CCDC146: variants seen among roughly 807,000 people sequenced by gnomAD.
The protein encoded by CCDC146 is coiled-coil domain containing 146.
In CCDC146, 92 loss-of-function variants were observed where a neutral mutation model predicts 119.3. The ratio of observed to expected loss-of-function variants is 0.77; its 90% CI spans 0.65 to 0.92. CCDC146 has a LOEUF of 0.92. Ranked by LOEUF, CCDC146 falls within the 40% of genes least tolerant of loss-of-function variation. The pLI, the probability that CCDC146 is intolerant of heterozygous loss-of-function variation, is 0.00. For missense variants in CCDC146, 1,000 were observed against 1,103.0 expected, an observed-to-expected ratio of 0.91 and a Z score of 1.32; for synonymous variants, 372 against 371.8, an observed-to-expected ratio of 1.00 and a Z score of -0.01.
chr7:77,271,638 A>G (rs941735929), intron 9 of CCDC146, among the ~76,000 whole-genome samples: 1 of 148,172 alleles, frequency 6.7e-6, no homozygotes, highest in African/African-American at 2.5e-5. Context: ...TGGCTAGGCA[A>G]CCAGGAGGCT....
At chr7:77,225,284 C>A (rs1299187748) in intron 2 of CCDC146, among the ~76,000 whole-genome samples, 1 of 152,190 alleles carries the variant, frequency 6.6e-6, no homozygotes, top group African/African-American at 2.4e-5. Context: ...TGGTGGCTCA[C>A]ACCTGTAATC....
chr7:77,293,319 A>G, intron 18 of CCDC146, 119 bp downstream of exon 18: 1 of 1,055,842 alleles, frequency 9.5e-7, no homozygotes, highest in Non-Finnish European at 1.4e-6. Context: ...CACAGTCCCA[A>G]CAGTCGTTAG....
chr7:77,221,569 C>G (rs1282672195), intron 2 of CCDC146, among the ~76,000 whole-genome samples: 1 of 152,122 alleles, frequency 6.6e-6, no homozygotes, highest in Non-Finnish European at 1.5e-5. Flanking sequence ...TCATGCTGCA[C>G]CCCCACCCTG....
chr7:77,145,698 G>T (rs1791006928), intron 1 of CCDC146, among the ~76,000 whole-genome samples: 1 of 152,116 alleles, frequency 6.6e-6, no homozygotes, highest in Non-Finnish European at 1.5e-5. Context: ...TCAGGAGCAG[G>T]TTGTTCAGTT....
At position 77,150,372 on chromosome 7, in the gene CCDC146, C is replaced by G. The variant is rs1791092350; in HGVS notation, c.-11-17286C>G. 1.3e-5 allele frequency among the ~76,000 whole-genome samples: 2 copies of G among 152,010 alleles called. 1 individual carries two copies. Among genetic ancestry groups the G allele is most frequent in the South Asian group, 4.2e-4 (2 of 4,816 alleles). ...CACAACTTAATAATGGGAAGGCAAC[C>G]TAATTATGTTTAATGGAGAAAAATA... On this transcript the variant is annotated intron_variant, in intron 1 of 18. Transcript: ENST00000285871.
At chr7:77,131,004 G>A (rs961867001) in intron 1 of CCDC146, among the ~76,000 whole-genome samples, 9 of 150,896 alleles carry the variant, frequency 6.0e-5, no homozygotes, top group African/African-American at 2.2e-4. Flanking sequence ...CGATTCTCCC[G>A]CCTCAGGTTC....
chr7:77,177,466 C>T (rs1354964362), intron 2 of CCDC146, among the ~76,000 whole-genome samples: 3 of 152,154 alleles, frequency 2.0e-5, no homozygotes, highest in African/African-American at 4.8e-5. Context: ...GATTGAGACT[C>T]GCCCTGGGTT....
At chr7:77,174,129 T>C (rs1791466984) in intron 2 of CCDC146, among the ~76,000 whole-genome samples, 2 of 152,182 alleles carry the variant, frequency 1.3e-5, no homozygotes, top group Non-Finnish European at 2.9e-5. Flanking sequence ...CATATATTAG[T>C]TTGTCTCTTC....
chr7:77,190,032 G>A (rs1211574989), intron 2 of CCDC146, among the ~76,000 whole-genome samples: 1 of 152,090 alleles, frequency 6.6e-6, no homozygotes, highest in East Asian at 1.9e-4. Context: ...TTTTATCCGT[G>A]TTGGTCACTG....
At chr7:77,198,068 A>T in intron 2 of CCDC146, 1 of 911,748 alleles carries the variant, frequency 1.1e-6, no homozygotes, top group Non-Finnish European at 1.3e-6. Context: ...TAGTCTTCAT[A>T]TCATGACAAG....
At chr7:77,216,247 C>T (rs1792299899) in intron 2 of CCDC146, among the ~76,000 whole-genome samples, 1 of 151,922 alleles carries the variant, frequency 6.6e-6, no homozygotes, top group Non-Finnish European at 1.5e-5. Flanking sequence ...GCTTCTTCCC[C>T]CTCCATTCCT....
At chr7:77,284,871 A>G (rs1793821845) in intron 15 of CCDC146, among the ~76,000 whole-genome samples, 1 of 151,978 alleles carries the variant, frequency 6.6e-6, no homozygotes, top group Non-Finnish European at 1.5e-5. Context: ...GTACCCTTGA[A>G]GGATATGATG....
intron 2 of CCDC146, chr7:77,199,474 C>T (rs868135076): frequency 1.2e-6 from 2 of 1,614,124 alleles, no homozygotes; most frequent in African/African-American, 2.7e-5. Flanking sequence ...GCCTGGGTCT[C>T]CGTTGTCATC....
At chr7:77,168,765 G>A (rs1191451212) in intron 2 of CCDC146, among the ~76,000 whole-genome samples, 6 of 152,042 alleles carry the variant, frequency 3.9e-5, no homozygotes, top group Admixed American at 3.3e-4. Context: ...CTTTAACCCA[G>A]ATTTCTCAGA....
Position 77,170,350 on chromosome 7 carries a change from A to G in CCDC146, c.156+2526A>G, listed in dbSNP as rs554687329. 4.5e-3 allele frequency among the ~76,000 whole-genome samples: 678 copies of G among 152,160 alleles called. 8 individuals carry two copies. The highest frequency in any genetic ancestry group is 0.015 in the African/African-American group (630 of 41,546). On this transcript the variant is annotated intron_variant, in intron 2 of 18. Coordinates refer to ENST00000285871, the MANE Select transcript of CCDC146 (RefSeq NM_020879.3). ...GCATAGTATTCTGTGGTGTATATAT[A>G]TAACACACTTTCTTTATCCAATCCC... is the stretch of plus-strand genomic sequence containing the variant.
At chr7:77,169,565 A>G (rs1389702632) in intron 2 of CCDC146, among the ~76,000 whole-genome samples, 2 of 152,228 alleles carry the variant, frequency 1.3e-5, no homozygotes, top group African/African-American at 2.4e-5. Context: ...GCTTTCTACT[A>G]TAAGGAAGAA....
chr7:77,144,257 C>G, intron 1 of CCDC146, among the ~76,000 whole-genome samples: 1 of 151,592 alleles, frequency 6.6e-6, no homozygotes, highest in Admixed American at 6.6e-5. Flanking sequence ...GATTTTTGCA[C>G]ATTGATTTTG....
intron 2 of CCDC146, among the ~76,000 whole-genome samples, chr7:77,227,719 A>C (rs1012360141): frequency 4.6e-5 from 7 of 152,160 alleles, no homozygotes; most frequent in African/African-American, 1.7e-4. Flanking sequence ...GTACTCTCTA[A>C]ATTCTAATTC....
chr7:77,159,628 C>T (rs1036531917), intron 1 of CCDC146, among the ~76,000 whole-genome samples: 3 of 152,086 alleles, frequency 2.0e-5, no homozygotes, highest in Admixed American at 6.6e-5. Flanking sequence ...ATCCTGATTT[C>T]GATTCATTTG....
Sources: gnomAD v4.1 joint callset for allele counts (sites outside exome capture counted in the v4.1 genomes callset) on GRCh38, gnomAD v4.1.1 for gene constraint, MANE v1.5 for transcripts, NCBI Gene and HGNC (gene_info 2026-07-23, HGNC 2026-07-21) for gene names.